The following SLC41A2 variants were observed in gnomAD, a reference collection of about 807,000 sequenced individuals.
SLC41A2 encodes solute carrier family 41 member 2.
SLC41A2 carries 32 observed loss-of-function variants against 58.3 expected under a neutral mutation model. The observed-to-expected ratio is 0.55, with a 90% CI of 0.41 to 0.74. SLC41A2 has a LOEUF of 0.74. Among genes scored for constraint, SLC41A2 ranks in the 30% least tolerant of loss-of-function variants. The pLI is 0.00. For synonymous variants in SLC41A2, 190 were observed against 235.0 expected (o/e 0.81, Z 1.75); for missense variants, 514 against 680.6 (o/e 0.76, Z 2.72).
chr12:104,835,110 C>T (rs192617451), intron 10 of SLC41A2, among the ~76,000 whole-genome samples: 26 of 152,218 alleles, frequency 1.7e-4, no homozygotes, highest in African/African-American at 6.0e-4. Context: ...AATAATAGCA[C>T]CTTAAATGCA....
intron 8 of SLC41A2, among the ~76,000 whole-genome samples, chr12:104,852,428 G>A (rs11112212): frequency 0.019 from 2,888 of 152,216 alleles, 87 homozygotes; most frequent in African/African-American, 0.066. Context: ...TCTTGAGTTT[G>A]AAACAAAAAG....
At chr12:104,809,373 T>TAAGA (rs1555255020) in intron 10 of SLC41A2, among the ~76,000 whole-genome samples, 1 of 151,590 alleles carries the variant, frequency 6.6e-6, no homozygotes, top group African/African-American at 2.4e-5. Context: ...ATTTTAGCTC[T>TAAGA]AACACCTTTA....
chr12:104,843,237 G>A (rs1025795437), intron 10 of SLC41A2, among the ~76,000 whole-genome samples: 2 of 151,474 alleles, frequency 1.3e-5, no homozygotes, highest in Non-Finnish European at 2.9e-5. Flanking sequence ...TCTAGACTAC[G>A]AGACCTTGAG....
At chr12:104,842,050 A>G (rs900181409) in intron 10 of SLC41A2, among the ~76,000 whole-genome samples, 1 of 152,116 alleles carries the variant, frequency 6.6e-6, no homozygotes, top group African/African-American at 2.4e-5. Flanking sequence ...TTTTGAATAT[A>G]AATTTAACCT....
intron 2 of SLC41A2, 36 bp from the exon 3 acceptor site, chr12:104,909,798 C>A: frequency 7.1e-7 from 1 of 1,410,290 alleles, no homozygotes. Flanking sequence ...TTTTCTGGCA[C>A]TCTTTAAAAA....
chr12:104,934,022 A>G (rs1416928395), intron 1 of SLC41A2, among the ~76,000 whole-genome samples: 1 of 152,012 alleles, frequency 6.6e-6, no homozygotes, highest in Admixed American at 6.6e-5. Context: ...CCACTATACA[A>G]TTCATCCATG....
intron 1 of SLC41A2, among the ~76,000 whole-genome samples, chr12:104,929,758 T>C (rs1413373785): frequency 6.6e-6 from 1 of 152,240 alleles, no homozygotes; most frequent in African/African-American, 2.4e-5. Flanking sequence ...ACTGATTTGA[T>C]AAGGGATGGG....
intron 1 of SLC41A2, among the ~76,000 whole-genome samples, chr12:104,947,493 C>A (rs1466364234): frequency 6.6e-6 from 1 of 151,882 alleles, no homozygotes; most frequent in Non-Finnish European, 1.5e-5. Flanking sequence ...AGCCACCATG[C>A]CTGGCCATTG....
intron 3 of SLC41A2, among the ~76,000 whole-genome samples, chr12:104,905,846 G>T (rs1003662317): frequency 2.0e-5 from 3 of 152,248 alleles, no homozygotes; most frequent in African/African-American, 7.2e-5. Flanking sequence ...CGGAACTCCA[G>T]CTGGCCCGCA....
chr12:104,806,561 A>G (rs1427791549), intron 10 of SLC41A2, among the ~76,000 whole-genome samples: 10 of 152,158 alleles, frequency 6.6e-5, no homozygotes, highest in Non-Finnish European at 1.5e-4. Context: ...ATGATTTATA[A>G]TCCTTTGGGT....
At chr12:104,879,662 T>C (rs1336772968) in intron 6 of SLC41A2, among the ~76,000 whole-genome samples, 3 of 152,154 alleles carry the variant, frequency 2.0e-5, no homozygotes, top group East Asian at 1.9e-4. Context: ...TATATCTCTG[T>C]TTTGGTACAA....
At chr12:104,877,614 T>C (rs1018082491) in intron 6 of SLC41A2, among the ~76,000 whole-genome samples, 5 of 152,242 alleles carry the variant, frequency 3.3e-5, no homozygotes, top group African/African-American at 1.2e-4. Flanking sequence ...TGCATCACTA[T>C]ATAACATTCG....
intron 3 of SLC41A2, among the ~76,000 whole-genome samples, chr12:104,905,555 G>A (rs926596563): frequency 1.3e-5 from 2 of 152,252 alleles, no homozygotes; most frequent in Admixed American, 1.3e-4. Context: ...GGGCGCCGTG[G>A]AGCAGGGGGT....
intron 2 of SLC41A2, among the ~76,000 whole-genome samples, chr12:104,915,788 C>A (rs1048402377): frequency 1.3e-5 from 2 of 152,230 alleles, no homozygotes; most frequent in East Asian, 3.9e-4. Flanking sequence ...TTGCCCTGGC[C>A]AGAACTTCCA....
chr12:104,806,241 T>A (rs9738598), intron 10 of SLC41A2, among the ~76,000 whole-genome samples: 1,656 of 140,302 alleles, frequency 0.012, 39 homozygotes, highest in African/African-American at 0.041. Flanking sequence ...CAGGCCCCGG[T>A]GTGTGATGTT....
rs770644705 is a variant in SLC41A2 at position 104,805,337 on chromosome 12, C to A, written c.1537G>T (p.Val513Leu). 1 of 1,611,664 alleles carries A rather than the reference C, an allele frequency of 6.2e-7. No individual in the cohort carries two copies. The highest frequency in any genetic ancestry group is 2.2e-5 in the East Asian group (1 of 44,844). The change falls in exon 11 of 11, where the codon GTA becomes TTA. Residue 513 changes from valine to leucine, a missense_variant and splice_region_variant. Val to Leu is a conservative substitution (Grantham distance 32). Coordinates refer to ENST00000258538, the MANE Select transcript of SLC41A2 (RefSeq NM_001352171.3). Reference sequence around the variant, plus strand: ...TCAGCAATCCACAGCAAGGTAAATACCTAGAAGAGAACAACAGAGATTACT... The same window carrying A: ...TCAGCAATCCACAGCAAGGTAAATAACTAGAAGAGAACAACAGAGATTACT... ...VVYLFGAVLQ[V>L]FTLLWIADWM...
upstream of SLC41A2, chr12:104,958,383 G>A (rs1484605628): frequency 1.3e-5 from 2 of 149,752 alleles, no homozygotes; most frequent in African/African-American, 4.9e-5. Context: ...CGCCGCCGGG[G>A]AAGCCCGGGC....
rs143087718 is a variant in SLC41A2 at position 104,863,033 on chromosome 12, A to G, written c.1176-1663T>C. The stretch of plus-strand genomic sequence containing the variant: ...TTAATCCACTGACCAACATCTCCGC[A>G]ACCCAGCTTTTTTACTATATACATT... On this transcript the variant is annotated intron_variant, in intron 7 of 10. Transcript: ENST00000258538. 9.3e-3 allele frequency among the ~76,000 whole-genome samples: 1,420 copies of G among 152,342 alleles called. 25 individuals carry two copies. The highest frequency in any genetic ancestry group is 0.032 in the African/African-American group (1,311 of 41,586).
At chr12:104,835,944 A>G (rs2042193891) in intron 10 of SLC41A2, among the ~76,000 whole-genome samples, 1 of 152,042 alleles carries the variant, frequency 6.6e-6, no homozygotes, top group Admixed American at 6.5e-5. Context: ...CCTGGGTTCT[A>G]AGTGATTCTC....
Sources: gnomAD v4.1 joint callset for allele counts (sites outside exome capture counted in the v4.1 genomes callset) on GRCh38, gnomAD v4.1.1 for gene constraint, MANE v1.5 for transcripts, NCBI Gene and HGNC (gene_info 2026-07-23, HGNC 2026-07-21) for gene names.